DGKB: variants seen among roughly 807,000 people sequenced by gnomAD.
DGKB encodes the protein diacylglycerol kinase beta.
Under a neutral mutation model 114.3 loss-of-function variants are expected in DGKB, and 67 were observed. The observed-to-expected ratio is 0.59, with a 90% CI of 0.48 to 0.72. DGKB has a LOEUF of 0.72. DGKB is among the 30% of genes least tolerant of loss of function. DGKB has a pLI of 0.00. For synonymous variants in DGKB, 398 were observed against 323.1 expected, an observed-to-expected ratio of 1.23 and a Z score of -2.49; for missense variants, 907 against 975.2, an observed-to-expected ratio of 0.93 and a Z score of 0.93.
rs183190407 is a variant in DGKB at position 14,196,501 on chromosome 7, C to A, written c.2123-18350G>T. Among the ~76,000 whole-genome samples the A allele has an allele frequency of 1.8e-4, 27 of 152,088 alleles. No individual in the cohort carries two copies. In the East Asian group the frequency reaches 4.7e-3, roughly 26 times the overall value. On this transcript the variant is annotated intron_variant, in intron 23 of 25. Transcript: ENST00000402815. ...CTTTTGAAGTAATTTTATTTCATGA[C>A]CTTATGTCTACAGAAAAAGAATTAT... is the stretch of plus-strand genomic sequence containing the variant.
chr7:14,154,644 C>A lies in DGKB; in HGVS notation c.2305-5406G>T, dbSNP rs1782715190. 2.0e-5 allele frequency among the ~76,000 whole-genome samples: 3 copies of A among 151,646 alleles called. No homozygotes were observed. The South Asian group carries it at 6.2e-4, about 32-fold the overall frequency. On this transcript the variant is annotated intron_variant, in intron 25 of 25. Coordinates refer to ENST00000402815, the MANE Select transcript of DGKB (RefSeq NM_001350709.2). ...TGTAAGAGTGTTAGAAACCACCTTTCTATAGCACTAAGTAAGTAGAGTATA... is the reference window on the plus strand; with the variant it reads ...TGTAAGAGTGTTAGAAACCACCTTTATATAGCACTAAGTAAGTAGAGTATA...
At chr7:14,320,103 A>G (rs1396772940) in intron 23 of DGKB, among the ~76,000 whole-genome samples, 1 of 152,146 alleles carries the variant, frequency 6.6e-6, no homozygotes, top group African/African-American at 2.4e-5. Context: ...ACTCTCATTA[A>G]AGCTTTTCCT....
rs1337296349 is a variant in DGKB at position 14,228,392 on chromosome 7, CT to C, written c.2123-50242del. The stretch of plus-strand genomic sequence containing the variant: ...TTTATTGTTATTTTAGTTGCTGTAA[CT>C]TTCTGAAGTGTCCTATCTATTGTGA... On this transcript the variant is annotated intron_variant, in intron 23 of 25. Transcript: ENST00000402815. Among the ~76,000 whole-genome samples, 13 of 152,116 alleles carry C rather than the reference CT, an allele frequency of 8.5e-5. No homozygotes were observed. In the South Asian group the frequency reaches 2.5e-3, roughly 29 times the overall value.
chr7:14,853,302 GC>G (rs1176504894), intron 1 of DGKB, among the ~76,000 whole-genome samples: 3 of 151,922 alleles, frequency 2.0e-5, no homozygotes, highest in Non-Finnish European at 2.9e-5. Flanking sequence ...GACTGTATAT[GC>G]TTTTATTTTC....
chr7:14,645,360 T>C (rs1363223086), intron 13 of DGKB, among the ~76,000 whole-genome samples: 1 of 152,142 alleles, frequency 6.6e-6, no homozygotes, highest in African/African-American at 2.4e-5. Context: ...ATGTTCCTGC[T>C]TGCTGAGCTA....
At chr7:14,960,205 G>A (rs762192820) in intron 1 of DGKB, among the ~76,000 whole-genome samples, 2 of 152,048 alleles carry the variant, frequency 1.3e-5, no homozygotes, top group South Asian at 2.1e-4. Context: ...AGAATCAAGC[G>A]TGAGGTGTGA....
At chr7:14,605,937 G>C (rs1040443816) in intron 17 of DGKB, among the ~76,000 whole-genome samples, 30 of 152,076 alleles carry the variant, frequency 2.0e-4, no homozygotes, top group African/African-American at 6.3e-4. Context: ...TTACAGATAA[G>C]ATAATGAAGC....
At chr7:14,327,622 ACTGT>A (rs1808976440) in intron 23 of DGKB, among the ~76,000 whole-genome samples, 1 of 152,136 alleles carries the variant, frequency 6.6e-6, no homozygotes, top group African/African-American at 2.4e-5. Flanking sequence ...TGATACAATT[ACTGT>A]CTTTTTAAAA....
At chr7:14,829,994 A>G (rs957501012) in intron 2 of DGKB, among the ~76,000 whole-genome samples, 10 of 152,082 alleles carry the variant, frequency 6.6e-5, no homozygotes, top group Admixed American at 2.0e-4. Flanking sequence ...GGCTCTAGAG[A>G]TCACTGGGCA....
Position 14,937,426 on chromosome 7 carries a change from T to C in DGKB, c.-188+37270A>G, listed in dbSNP as rs534509230. The stretch of plus-strand genomic sequence containing the variant: ...CAGCTCCAACCACTGAACAATCACA[T>C]TCACAGGTACATATTAATGGAGACT... On this transcript the variant is annotated intron_variant, in intron 1 of 4. Transcript: ENST00000437998. Among the ~76,000 whole-genome samples the C allele has an allele frequency of 2.6e-5, 4 of 152,258 alleles. No individual in the cohort carries two copies. The East Asian group carries it at 5.8e-4, about 22-fold the overall frequency.
At chr7:14,330,845 G>A (rs1025196680) in intron 23 of DGKB, among the ~76,000 whole-genome samples, 2 of 151,908 alleles carry the variant, frequency 1.3e-5, no homozygotes, top group African/African-American at 2.4e-5. Context: ...AATGCTTCTC[G>A]ATAATGCATG....
intron 23 of DGKB, among the ~76,000 whole-genome samples, chr7:14,304,440 CT>C (rs1245644694): frequency 2.0e-5 from 3 of 151,234 alleles, no homozygotes; most frequent in African/African-American, 7.2e-5. Flanking sequence ...CACAGTCCCA[CT>C]TTGTGCCAAA....
chr7:14,876,142 C>A (rs1853249124), intron 1 of DGKB, among the ~76,000 whole-genome samples: 2 of 152,118 alleles, frequency 1.3e-5, no homozygotes, highest in African/African-American at 2.4e-5. Context: ...ACATGCCCAC[C>A]AGTGTGCCAT....
chr7:14,872,795 A>G (rs923520954), intron 1 of DGKB, among the ~76,000 whole-genome samples: 1 of 149,834 alleles, frequency 6.7e-6, no homozygotes, highest in Non-Finnish European at 1.5e-5. Flanking sequence ...TTTATGTAAC[A>G]TATATGTATA....
intron 21 of DGKB, among the ~76,000 whole-genome samples, chr7:14,356,352 C>CT (rs997102742): frequency 0.032 from 2,444 of 77,222 alleles, 616 homozygotes; most frequent in Admixed American, 0.042. Flanking sequence ...TTCTCTAGTT[C>CT]TTTTTTTTTT....
intron 9 of DGKB, 138 bp downstream of exon 9, chr7:14,693,937 G>A: frequency 1.1e-6 from 1 of 883,584 alleles, no homozygotes; most frequent in Non-Finnish European, 1.7e-6. Flanking sequence ...ATTGCACCGT[G>A]GCATACTTAT....
intron 25 of DGKB, among the ~76,000 whole-genome samples, chr7:14,157,609 T>C (rs1331792862): frequency 6.6e-6 from 1 of 152,168 alleles, no homozygotes; most frequent in Non-Finnish European, 1.5e-5. Flanking sequence ...TTTGGCCACA[T>C]TGCATGGGAA....
chr7:14,932,267 C>T (rs949564154), intron 1 of DGKB, among the ~76,000 whole-genome samples: 5 of 152,250 alleles, frequency 3.3e-5, no homozygotes, highest in Admixed American at 3.3e-4. Flanking sequence ...ACTCAGGCTA[C>T]CTATTTTCCT....
At chr7:14,820,970 G>A (rs1844848409) in intron 2 of DGKB, among the ~76,000 whole-genome samples, 1 of 152,094 alleles carries the variant, frequency 6.6e-6, no homozygotes. Flanking sequence ...GGTATATACA[G>A]TAAATATACT....
Sources: gnomAD v4.1 joint callset for allele counts (sites outside exome capture counted in the v4.1 genomes callset) on GRCh38, gnomAD v4.1.1 for gene constraint, MANE v1.5 for transcripts, NCBI Gene and HGNC (gene_info 2026-07-23, HGNC 2026-07-21) for gene names.